Variants in ZFHX3 observed in about 807,000 individuals in gnomAD.
ZFHX3 encodes zinc finger homeobox 3.
Under a neutral mutation model 279.1 loss-of-function variants are expected in ZFHX3, and 42 were observed. The observed-to-expected ratio is 0.15, with a 90% CI of 0.12 to 0.19. ZFHX3 has a LOEUF of 0.19. Among genes scored for constraint, ZFHX3 ranks in the 10% least tolerant of loss-of-function variants. The pLI is 1.00. For missense variants in ZFHX3, 4,981 were observed against 4,754.0 expected, an observed-to-expected ratio of 1.05 and a Z score of -1.40; for synonymous variants, 2,293 against 1,957.8, an observed-to-expected ratio of 1.17 and a Z score of -4.52.
At chr16:72,882,818 A>T (rs1325878420) in intron 4 of ZFHX3, among the ~76,000 whole-genome samples, 1 of 152,048 alleles carries the variant, frequency 6.6e-6, no homozygotes, top group African/African-American at 2.4e-5. Flanking sequence ...TATCGACGTA[A>T]TTTCCCTGAC....
In ZFHX3 at chr16:73,034,347, G is replaced by A. The variant is rs867644722; in HGVS notation, c.-50+13405C>T. Among the ~76,000 whole-genome samples, 11 of 152,224 alleles carry A rather than the reference G, an allele frequency of 7.2e-5. No individual in the cohort carries two copies. The East Asian group carries it at 1.5e-3, about 21-fold the overall frequency. On this transcript the variant is annotated intron_variant, in intron 1 of 9. Transcript: ENST00000268489. ...CGAGGGGAAGTTTCTTGCTGGAATC[G>A]GTGACCCTCCCAACAGTGGCAGCTC...
At chr16:73,798,150 T>C (rs961596152) in intron 1 of ZFHX3, among the ~76,000 whole-genome samples, 4 of 152,178 alleles carry the variant, frequency 2.6e-5, no homozygotes, top group African/African-American at 9.7e-5. Flanking sequence ...AATAACACTG[T>C]TGTCACTACT....
At chr16:73,432,979 A>G (rs973708024) in intron 3 of ZFHX3, among the ~76,000 whole-genome samples, 6 of 152,160 alleles carry the variant, frequency 3.9e-5, no homozygotes, top group Admixed American at 2.0e-4. Context: ...CTAGCTCCCA[A>G]CGAGGTCCTG....
chr16:73,082,329 G>A (rs934878744), intron 8 of ZFHX3, among the ~76,000 whole-genome samples: 2 of 151,470 alleles, frequency 1.3e-5, no homozygotes, highest in African/African-American at 2.4e-5. Flanking sequence ...GTGCAGTGGC[G>A]CGATCTTGGC....
At chr16:72,838,662 G>T (rs2037262391) in intron 4 of ZFHX3, among the ~76,000 whole-genome samples, 1 of 151,300 alleles carries the variant, frequency 6.6e-6, no homozygotes. Flanking sequence ...TTGGCCATTT[G>T]AACAATTTGT....
intron 4 of ZFHX3, among the ~76,000 whole-genome samples, chr16:73,261,008 A>T (rs1374578163): frequency 6.6e-6 from 1 of 152,082 alleles, no homozygotes; most frequent in South Asian, 2.1e-4. Flanking sequence ...TTAACCTAGC[A>T]ATTTCTCTTT....
At chr16:72,953,242 G>A (rs1961082504) in intron 2 of ZFHX3, among the ~76,000 whole-genome samples, 1 of 151,262 alleles carries the variant, frequency 6.6e-6, no homozygotes, top group Non-Finnish European at 1.5e-5. Context: ...CCTGGTGAGA[G>A]GAACCATAAC....
intron 2 of ZFHX3, among the ~76,000 whole-genome samples, chr16:73,661,895 TAAG>T (rs780672890): frequency 6.6e-6 from 1 of 151,996 alleles, no homozygotes; most frequent in African/African-American, 2.4e-5. Context: ...TTTCTCAACA[TAAG>T]AAAGATTTCA....
At position 72,784,674 on chromosome 16, in the gene ZFHX3, G is replaced by GAAAT. The variant is rs2035278613; in HGVS notation, c.*2486_*2489dup. 1 of 152,138 alleles carries GAAAT rather than the reference G, an allele frequency of 6.6e-6. No individual in the cohort carries two copies. Among genetic ancestry groups the GAAAT allele is most frequent in the Non-Finnish European group, 1.5e-5 (1 of 67,944 alleles). 9.4% of individuals were successfully genotyped at this position (152,138 alleles called of 1,614,324 possible). ...GAAATACAAGATTTCTTGTTAAAAG[G>GAAAT]AAATAGCTTGTTAAAACAGTAAATG... On this transcript the variant is annotated 3_prime_UTR_variant, in exon 10 of 10. Coordinates refer to ENST00000268489, the MANE Select transcript of ZFHX3 (RefSeq NM_006885.4).
At chr16:73,358,638 C>A (rs1244201038) in intron 3 of ZFHX3, among the ~76,000 whole-genome samples, 1 of 152,210 alleles carries the variant, frequency 6.6e-6, no homozygotes, top group Non-Finnish European at 1.5e-5. Flanking sequence ...TGTTAGGCAG[C>A]AACAGATAAC....
intron 1 of ZFHX3, among the ~76,000 whole-genome samples, chr16:73,685,063 GGA>G (rs2053067361): frequency 2.7e-5 from 4 of 150,382 alleles, no homozygotes; most frequent in African/African-American, 9.8e-5. Flanking sequence ...TCGCCAGGCT[GGA>G]GTCCAGTGGC....
At chr16:73,523,104 G>A (rs1203966289) in intron 2 of ZFHX3, among the ~76,000 whole-genome samples, 2 of 152,062 alleles carry the variant, frequency 1.3e-5, no homozygotes, top group Non-Finnish European at 2.9e-5. Flanking sequence ...ACAAGGAAAG[G>A]GAGTTTCACT....
At chr16:73,333,807 A>AAC (rs2015853994) in intron 3 of ZFHX3, among the ~76,000 whole-genome samples, 1 of 28,036 alleles carries the variant, frequency 3.6e-5, no homozygotes, top group South Asian at 6.3e-4. Flanking sequence ...CAAGAGACCA[A>AAC]AAAAAAAAAA....
intron 4 of ZFHX3, among the ~76,000 whole-genome samples, chr16:72,858,553 C>CTGTA (rs545335559): frequency 6.6e-6 from 1 of 152,220 alleles, no homozygotes; most frequent in Non-Finnish European, 1.5e-5. Flanking sequence ...ATATCACTGG[C>CTGTA]TGTACATCAG....
At chr16:72,927,896 A>T (rs551605906) in intron 3 of ZFHX3, among the ~76,000 whole-genome samples, 35 of 151,554 alleles carry the variant, frequency 2.3e-4, no homozygotes, top group African/African-American at 8.0e-4. Flanking sequence ...CAACAGGCTG[A>T]CAATTTATAG....
chr16:72,949,830 C>A (rs757957147), intron 3 of ZFHX3, among the ~76,000 whole-genome samples: 8 of 150,956 alleles, frequency 5.3e-5, no homozygotes, highest in African/African-American at 7.3e-5. Flanking sequence ...ACCTTCTAGC[C>A]TGCTACAAAA....
At chr16:72,878,505 C>A (rs988906871) in intron 4 of ZFHX3, among the ~76,000 whole-genome samples, 4 of 152,222 alleles carry the variant, frequency 2.6e-5, no homozygotes, top group African/African-American at 9.6e-5. Flanking sequence ...ATTAGGAAAA[C>A]CATGCAAACT....
Position 72,992,460 on chromosome 16 carries a change from T to C in ZFHX3, c.-49-32266A>G, listed in dbSNP as rs550965544. On this transcript the variant is annotated intron_variant, in intron 1 of 9. Coordinates refer to ENST00000268489, the MANE Select transcript of ZFHX3 (RefSeq NM_006885.4). ...AAGCTCTCCCTGTAAACGGATCTAATGTGAGGCTGGGTAATTAGCAACCAA... is the reference window on the plus strand; with the variant it reads ...AAGCTCTCCCTGTAAACGGATCTAACGTGAGGCTGGGTAATTAGCAACCAA... 2.4e-3 allele frequency among the ~76,000 whole-genome samples: 371 copies of C among 152,300 alleles called. 2 individuals carry two copies. The highest frequency in any genetic ancestry group is 4.0e-3 in the Non-Finnish European group (274 of 68,014).
chr16:73,701,384 T>C (rs2053244966), intron 1 of ZFHX3, among the ~76,000 whole-genome samples: 1 of 152,176 alleles, frequency 6.6e-6, no homozygotes, highest in African/African-American at 2.4e-5. Flanking sequence ...TCTTCAAAAA[T>C]GTCCTAGACA....
Sources: gnomAD v4.1 joint callset for allele counts (sites outside exome capture counted in the v4.1 genomes callset) on GRCh38, gnomAD v4.1.1 for gene constraint, MANE v1.5 for transcripts, NCBI Gene and HGNC (gene_info 2026-07-23, HGNC 2026-07-21) for gene names.